CTC1: variants seen among roughly 807,000 people sequenced by gnomAD.
The protein encoded by CTC1 is CST complex subunit CTC1.
CTC1 carries 91 observed loss-of-function variants against 136.3 expected under a neutral mutation model. That is an observed-to-expected ratio of 0.67 (90% confidence interval 0.56 to 0.79). The LOEUF is 0.79. CTC1 is among the 30% of genes least tolerant of loss of function. CTC1 has a pLI of 0.00. For synonymous variants in CTC1, 606 were observed against 613.8 expected, an observed-to-expected ratio of 0.99 and a Z score of 0.19; for missense variants, 1,432 against 1,498.1, an observed-to-expected ratio of 0.96 and a Z score of 0.73.
chr17:8,229,477 G>T (rs1987027526), intron 18 of CTC1, 31 bp from the exon 19 acceptor site: 2 of 1,601,674 alleles, frequency 1.2e-6, no homozygotes, highest in Admixed American at 1.7e-5. Context: ...AGAGACAGGG[G>T]TCAAGATAAC....
At position 8,235,816 on chromosome 17, in the gene CTC1, C is replaced by T; in HGVS notation, c.1206+15G>A. The T allele has an allele frequency of 6.3e-7, 1 of 1,590,804 alleles. No homozygotes were observed. Among genetic ancestry groups the T allele is most frequent in the African/African-American group, 1.3e-5 (1 of 74,236 alleles). On this transcript the variant is annotated intron_variant, in intron 7 of 22. Transcript: ENST00000651323. ...GCAGAGGTCTCTTTTTGTTATCAGCCCTGATCTCACATACCTGCAGACACA... is the reference window on the plus strand; with the variant it reads ...GCAGAGGTCTCTTTTTGTTATCAGCTCTGATCTCACATACCTGCAGACACA...
chr17:8,238,158 A>C lies in CTC1; in HGVS notation c.520T>G (p.Ser174Ala). The C allele has an allele frequency of 6.2e-7, 1 of 1,614,120 alleles. No homozygotes were observed. The highest frequency in any genetic ancestry group is 8.5e-7 in the Non-Finnish European group (1 of 1,179,980). ...CACAGCTCCAAGTGCCCTTCCCCTG[A>C]GGAATTCCACCTGGCAGGAGGGAGG... The part of the protein sequence containing the change: ...SYLPPARWNS[S>A]GEGHLELWDA... The change falls in exon 4 of 23, where the codon TCA (serine) becomes GCA (alanine). Residue 174 changes from serine to alanine, a missense_variant. Physicochemically the swap from Ser to Ala is moderately conservative, Grantham distance 99. Transcript: ENST00000651323.
At position 8,225,369 on chromosome 17, in the gene CTC1, A is replaced by G. The variant is rs1282503285; in HGVS notation, c.*2811T>C. The stretch of plus-strand genomic sequence containing the variant: ...TGCATCCCTGGCTTGACCTGGAGGT[A>G]GCAATTCCTTCAAGCCATTTGCTCA... On this transcript the variant is annotated 3_prime_UTR_variant, in exon 23 of 23. Coordinates refer to ENST00000651323, the MANE Select transcript of CTC1 (RefSeq NM_025099.6). 6.6e-6 allele frequency: 1 copy of G among 152,236 alleles called. No homozygotes were observed. Among genetic ancestry groups the G allele is most frequent in the African/African-American group, 2.4e-5 (1 of 41,444 alleles). The allele number at this position is 152,236 out of a possible 1,614,324, so 9.4% of individuals were successfully genotyped here.
At chr17:8,231,151 A>C in intron 15 of CTC1, 125 bp downstream of exon 15, 1 of 836,122 alleles carries the variant, frequency 1.2e-6, no homozygotes, top group South Asian at 2.1e-5. Flanking sequence ...AAAAAAAAAC[A>C]AACAAAAACA....
chr17:8,228,574 C>G lies in CTC1; in HGVS notation c.3443G>C (p.Ser1148Thr). 6.2e-7 allele frequency: 1 copy of G among 1,614,170 alleles called. No homozygotes were observed. The highest frequency in any genetic ancestry group is 8.5e-7 in the Non-Finnish European group (1 of 1,180,026). Reference sequence around the variant, plus strand: ...CACAATAGGACGGAGGACAGAGGGGCTAGTACAAAGTGTCCAGAGGAACAT... The same window carrying G: ...CACAATAGGACGGAGGACAGAGGGGGTAGTACAAAGTGTCCAGAGGAACAT... ...MTMFLWTLCT[S>T]PSVLRPIVLS... The change falls in exon 22 of 23, where the codon AGC becomes ACC. Residue 1148 changes from serine (S) to threonine (T), a missense_variant. Ser to Thr is a moderately conservative substitution (Grantham distance 58). Coordinates refer to ENST00000651323, the MANE Select transcript of CTC1 (RefSeq NM_025099.6).
In CTC1 at chr17:8,238,244, T is replaced by C. The variant is rs1987916996; in HGVS notation, c.436-2A>G. On this transcript the variant is annotated splice_acceptor_variant, in intron 3 of 22. Coordinates refer to ENST00000651323, the MANE Select transcript of CTC1 (RefSeq NM_025099.6). LOFTEE classifies it high-confidence loss of function. Reference sequence around the variant, plus strand: ...CCAAGAAAGGTCCAGGTCTATGAGCTAAGAAAGACCAAGAGCAAGGGTTAA... The same window carrying C: ...CCAAGAAAGGTCCAGGTCTATGAGCCAAGAAAGACCAAGAGCAAGGGTTAA... The C allele has an allele frequency of 6.3e-7, 1 of 1,597,206 alleles. No individual in the cohort carries two copies. Among genetic ancestry groups the C allele is most frequent in the African/African-American group, 1.3e-5 (1 of 74,358 alleles).
intron 1 of CTC1, among the ~76,000 whole-genome samples, chr17:8,244,684 C>G (rs1163713183): frequency 1.3e-5 from 2 of 152,162 alleles, no homozygotes; most frequent in African/African-American, 2.4e-5. Context: ...CACCACCACA[C>G]CCAGCTAATT....
Position 8,238,022 on chromosome 17 carries a change from G to A in CTC1, c.647+9C>T. ...CAGCGCCCCTGCCATGCCTAGAGGGGGAAATTACCTGAGCCTGAGCAGGCA... is the reference window on the plus strand; with the variant it reads ...CAGCGCCCCTGCCATGCCTAGAGGGAGAAATTACCTGAGCCTGAGCAGGCA... On this transcript the variant is annotated intron_variant, in intron 4 of 22. Coordinates refer to ENST00000651323, the MANE Select transcript of CTC1 (RefSeq NM_025099.6). 6.2e-7 allele frequency: 1 copy of A among 1,609,076 alleles called. No individual in the cohort carries two copies. The highest frequency in any genetic ancestry group is 8.5e-7 in the Non-Finnish European group (1 of 1,176,106).
At chr17:8,232,519 T>TG in intron 11 of CTC1, 44 bp from the exon 12 acceptor site, 1 of 1,537,704 alleles carries the variant, frequency 6.5e-7, no homozygotes, top group Non-Finnish European at 9.0e-7. Flanking sequence ...AGGAGACCTG[T>TG]GGGGTGGGTT....
In CTC1 at chr17:8,228,056, T is replaced by C. The variant is rs1266188059; in HGVS notation, c.*124A>G. The stretch of plus-strand genomic sequence containing the variant: ...GAACACCAAAGAAGGGAAATTATAG[T>C]GGAGTAGCAGTTTGTGAATCTGGAG... On this transcript the variant is annotated 3_prime_UTR_variant, in exon 23 of 23. Coordinates refer to ENST00000651323, the MANE Select transcript of CTC1 (RefSeq NM_025099.6). 9 of 967,396 alleles carry C rather than the reference T, an allele frequency of 9.3e-6. No individual in the cohort carries two copies. The highest frequency in any genetic ancestry group is 6.5e-5 in the African/African-American group (4 of 61,088). The allele number at this position is 967,396 out of a possible 1,614,324, so 59.9% of individuals were successfully genotyped here. A position where few individuals can be genotyped will look rare whatever the true frequency, so the allele number is the denominator to read the frequency against.
Position 8,238,411 on chromosome 17 carries a change from G to A in CTC1, c.416C>T (p.Thr139Ile). 1 of 1,614,080 alleles carries A rather than the reference G, an allele frequency of 6.2e-7. No homozygotes were observed. The highest frequency in any genetic ancestry group is 8.5e-7 in the Non-Finnish European group (1 of 1,179,924). The change falls in exon 3 of 23, where the codon ACT becomes ATT. Residue 139 changes from threonine (T) to isoleucine (I), a missense_variant. By Grantham distance (89) the Thr-to-Ile change is moderately conservative. Transcript: ENST00000651323. ...RNGSLYVRDN[T>I]GVLSCELIDL... ...ACTCACCTCACAGCTCAGGACGCCA[G>A]TGTTATCTCTCACATAGAGGCTTCC...
intron 15 of CTC1, 120 bp downstream of exon 15, chr17:8,231,156 A>T: frequency 1.1e-6 from 1 of 881,696 alleles, no homozygotes; most frequent in Non-Finnish European, 1.7e-6. Context: ...AAAACAAACA[A>T]AAACAACAAT....
At position 8,243,050 on chromosome 17, in the gene CTC1, A is replaced by G. The variant is rs1175520111; in HGVS notation, c.132T>C (p.Asp44=). ...GGGACAACCAGACAGTCTTCACACA[A>G]TCAATTACCAATGGAGTCAACTGGA... ...PNVQLTPLVI[D]CVKTVWLSQG... The change falls in exon 2 of 23, where the codon GAT becomes GAC. Residue 44 remains aspartate, a synonymous_variant. Transcript: ENST00000651323. The G allele has an allele frequency of 1.2e-6, 2 of 1,614,024 alleles. No homozygotes were observed. Among genetic ancestry groups the G allele is most frequent in the Non-Finnish European group, 1.7e-6 (2 of 1,179,964 alleles).
intron 22 of CTC1, 24 bp from the exon 23 acceptor site, chr17:8,228,343 C>A (rs751180563): frequency 6.2e-7 from 1 of 1,612,456 alleles, no homozygotes; most frequent in Non-Finnish European, 8.5e-7. Flanking sequence ...AGAGGAAAAA[C>A]ACACGTCTCA....
At chr17:8,232,633 C>T in intron 11 of CTC1, 158 bp from the exon 12 acceptor site, 1 of 673,262 alleles carries the variant, frequency 1.5e-6, no homozygotes, top group South Asian at 1.8e-5. Flanking sequence ...AGAGGGGTGA[C>T]ACCTTCTCTC....
intron 18 of CTC1, 21 bp downstream of exon 18, chr17:8,229,870 G>A: frequency 6.2e-7 from 1 of 1,606,070 alleles, no homozygotes; most frequent in African/African-American, 1.3e-5. Context: ...GAAGTTTAGG[G>A]GTTGGGGTCT....
intron 22 of CTC1, 53 bp from the exon 23 acceptor site, chr17:8,228,372 C>T: frequency 2.5e-6 from 4 of 1,608,224 alleles, no homozygotes; most frequent in Non-Finnish European, 3.4e-6. Flanking sequence ...GCTTTTAGTT[C>T]CCACCCACCA....
chr17:8,237,301 A>C, intron 5 of CTC1, 74 bp downstream of exon 5: 2 of 1,556,608 alleles, frequency 1.3e-6, no homozygotes, highest in Admixed American at 3.3e-5. Context: ...GGCTCCTCCT[A>C]TGATGCTATC....
At position 8,235,109 on chromosome 17, in the gene CTC1, C is replaced by T. The variant is rs145192682; in HGVS notation, c.1383G>A (p.Gln461=). Residue 461 remains glutamine (Q), a synonymous_variant, in exon 8 of 23, where the codon CAG becomes CAA. Coordinates refer to ENST00000651323, the MANE Select transcript of CTC1 (RefSeq NM_025099.6). Reference sequence around the variant, plus strand: ...CCCACAGGTAGAGGGGAAGTCCTAACTGACGTTCCCACACCAGCTGCTCGT... The same window carrying T: ...CCCACAGGTAGAGGGGAAGTCCTAATTGACGTTCCCACACCAGCTGCTCGT... ...SLYEQLVWER[Q]LGLPLYLWAT... 0.016 allele frequency: 25,113 copies of T among 1,614,190 alleles called. 239 individuals carry two copies. The highest frequency in any genetic ancestry group is 0.019 in the Non-Finnish European group (22,504 of 1,180,012).
Sources: allele counts gnomAD v4.1 joint callset (sites outside exome capture counted in the v4.1 genomes callset), GRCh38; gene constraint gnomAD v4.1.1; transcripts MANE v1.5; gene names NCBI Gene and HGNC (gene_info 2026-07-23, HGNC 2026-07-21).